KCNH1: variants seen among roughly 807,000 people sequenced by gnomAD.
KCNH1 encodes potassium voltage-gated channel subfamily H member 1.
KCNH1 carries 27 observed loss-of-function variants against 69.2 expected under a neutral mutation model. The observed-to-expected ratio is 0.39, with a 90% CI of 0.29 to 0.54. The LOEUF is 0.54. Ranked by LOEUF, KCNH1 falls within the 20% of genes least tolerant of loss-of-function variation. The pLI is 0.68. For missense variants in KCNH1, 798 were observed against 1,261.6 expected (o/e 0.63, Z 5.57); for synonymous variants, 456 against 487.7 (o/e 0.93, Z 0.86).
At chr1:211,096,224 C>T (rs967722998) in intron 3 of KCNH1, among the ~76,000 whole-genome samples, 8 of 152,126 alleles carry the variant, frequency 5.3e-5, no homozygotes, top group South Asian at 2.1e-4. Context: ...CCACCGCACC[C>T]GGCTAATTTT....
At chr1:210,684,223 G>T in intron 10 of KCNH1, 85 bp from the exon 11 acceptor site, 1 of 1,384,336 alleles carries the variant, frequency 7.2e-7, no homozygotes, top group Non-Finnish European at 9.4e-7. Context: ...TGCCTATCTT[G>T]GCCCTCTGCT....
chr1:210,726,596 C>T (rs1277948765), intron 10 of KCNH1, among the ~76,000 whole-genome samples: 1 of 152,220 alleles, frequency 6.6e-6, no homozygotes, highest in Non-Finnish European at 1.5e-5. Context: ...AGAGCCTGTG[C>T]TCCCTTACCT....
intron 7 of KCNH1, among the ~76,000 whole-genome samples, chr1:210,894,660 T>A (rs907262501): frequency 2.6e-5 from 4 of 152,142 alleles, no homozygotes; most frequent in Admixed American, 1.3e-4. Flanking sequence ...GATGCCAGTA[T>A]CTTGAAAATG....
At chr1:210,779,798 A>G (rs1469736827) in intron 9 of KCNH1, among the ~76,000 whole-genome samples, 2 of 152,136 alleles carry the variant, frequency 1.3e-5, no homozygotes, top group African/African-American at 4.8e-5. Context: ...AGTAATAATT[A>G]ATCCTCCTCC....
chr1:210,985,562 G>C (rs1688814188), intron 6 of KCNH1, among the ~76,000 whole-genome samples: 1 of 152,134 alleles, frequency 6.6e-6, no homozygotes, highest in Non-Finnish European at 1.5e-5. Flanking sequence ...TTCAGGAGTA[G>C]GTTGTTCAGT....
intron 7 of KCNH1, among the ~76,000 whole-genome samples, chr1:210,843,507 G>A (rs187011025): frequency 6.6e-6 from 1 of 152,116 alleles, no homozygotes; most frequent in African/African-American, 2.4e-5. Context: ...TTATCACTAG[G>A]GTTTTGGGTT....
At chr1:210,888,688 A>G (rs527766450) in intron 7 of KCNH1, among the ~76,000 whole-genome samples, 32 of 152,306 alleles carry the variant, frequency 2.1e-4, no homozygotes, top group African/African-American at 7.5e-4. Flanking sequence ...AAGAGAGAAG[A>G]ATCAAATAGA....
intron 7 of KCNH1, among the ~76,000 whole-genome samples, chr1:210,822,110 C>A (rs1158088903): frequency 6.6e-6 from 1 of 151,940 alleles, no homozygotes; most frequent in East Asian, 1.9e-4. Flanking sequence ...GATGAATAGA[C>A]AAAGAGATGT....
At chr1:211,049,014 CT>C (rs2102438815) in intron 5 of KCNH1, among the ~76,000 whole-genome samples, 1 of 151,866 alleles carries the variant, frequency 6.6e-6, no homozygotes. Flanking sequence ...GAAAGGGAGA[CT>C]GATAAAGTTC....
At chr1:210,808,054 G>C (rs1055570996) in intron 7 of KCNH1, among the ~76,000 whole-genome samples, 3 of 152,190 alleles carry the variant, frequency 2.0e-5, no homozygotes, top group Non-Finnish European at 4.4e-5. Context: ...TGCAGTTGAA[G>C]GTCCTGTCTC....
chr1:210,916,859 A>G (rs541599391), intron 7 of KCNH1, among the ~76,000 whole-genome samples: 17 of 152,242 alleles, frequency 1.1e-4, no homozygotes, highest in African/African-American at 3.9e-4. Flanking sequence ...TTTTAAAAAA[A>G]GAAATGGGCT....
chr1:210,999,980 A>G (rs1447933584), intron 6 of KCNH1, among the ~76,000 whole-genome samples: 1 of 151,736 alleles, frequency 6.6e-6, no homozygotes, highest in East Asian at 1.9e-4. Context: ...CATGTTAAAA[A>G]CCCAATAAAT....
chr1:211,064,666 A>G (rs961801567), intron 5 of KCNH1, among the ~76,000 whole-genome samples: 3 of 152,188 alleles, frequency 2.0e-5, no homozygotes, highest in African/African-American at 7.2e-5. Context: ...AGCCTTCTGC[A>G]TAGTCAAGGA....
At chr1:210,906,994 C>T (rs1223294096) in intron 7 of KCNH1, among the ~76,000 whole-genome samples, 1 of 152,100 alleles carries the variant, frequency 6.6e-6, no homozygotes, top group Non-Finnish European at 1.5e-5. Flanking sequence ...AATCAGAATC[C>T]ATCAAAATGT....
intron 7 of KCNH1, among the ~76,000 whole-genome samples, chr1:210,820,374 GT>G (rs1425117940): frequency 6.6e-6 from 1 of 152,142 alleles, no homozygotes; most frequent in Non-Finnish European, 1.5e-5. Flanking sequence ...GGTGGGTCAT[GT>G]CTGTAATCCC....
intron 10 of KCNH1, among the ~76,000 whole-genome samples, chr1:210,774,760 T>G (rs1683829085): frequency 6.6e-6 from 1 of 152,128 alleles, no homozygotes; most frequent in African/African-American, 2.4e-5. Flanking sequence ...AAAGAAACAA[T>G]TTCAGGTCAA....
At position 210,680,968 on chromosome 1, in the gene KCNH1, G is replaced by A. The variant is rs61827459; in HGVS notation, c.*2313C>T. 0.048 allele frequency: 7,369 copies of A among 152,338 alleles called. 264 individuals are homozygous for A. Among genetic ancestry groups the A allele is most frequent in the Middle Eastern group, 0.078 (23 of 294 alleles). The allele number at this position is 152,338 out of a possible 1,614,324, so 9.4% of individuals were successfully genotyped here. A position where few individuals can be genotyped will look rare whatever the true frequency, so the allele number is the denominator to read the frequency against. On this transcript the variant is annotated 3_prime_UTR_variant, in exon 11 of 11. Coordinates refer to ENST00000271751, the MANE Select transcript of KCNH1 (RefSeq NM_172362.3). ...CCGTCTCCCTCAGGCAGAGCTGGAG[G>A]GAAATGGCAGGGCCTCTTGACATTG... is the stretch of plus-strand genomic sequence containing the variant.
chr1:210,719,428 A>G (rs1448114119), intron 10 of KCNH1, among the ~76,000 whole-genome samples: 1 of 152,226 alleles, frequency 6.6e-6, no homozygotes, highest in African/African-American at 2.4e-5. Flanking sequence ...CATCATTCTC[A>G]GCAAACTAAC....
At chr1:210,925,442 G>T (rs1687553000) in intron 6 of KCNH1, among the ~76,000 whole-genome samples, 1 of 152,238 alleles carries the variant, frequency 6.6e-6, no homozygotes, top group South Asian at 2.1e-4. Context: ...GAGTCGGCTT[G>T]CTTTCTCAGT....
Sources: gnomAD v4.1 joint callset for allele counts (sites outside exome capture counted in the v4.1 genomes callset) on GRCh38, gnomAD v4.1.1 for gene constraint, MANE v1.5 for transcripts, NCBI Gene and HGNC (gene_info 2026-07-23, HGNC 2026-07-21) for gene names.